The following DERA variants were observed in gnomAD, a reference collection of about 807,000 sequenced individuals.
DERA encodes 2-deoxy-D-ribose 5-phosphate aldolase.
Under a neutral mutation model 41.1 loss-of-function variants are expected in DERA, and 15 were observed. The ratio of observed to expected loss-of-function variants is 0.37; its 90% confidence interval spans 0.24 to 0.56. The LOEUF (loss-of-function observed/expected upper bound fraction) is 0.56, where lower values mean the gene tolerates loss of function less well. Among genes scored for constraint, DERA ranks in the 20% least tolerant of loss-of-function variants. The pLI, the probability that DERA is intolerant of heterozygous loss-of-function variation, is 0.81. For synonymous variants in DERA, 139 were observed against 137.4 expected, an observed-to-expected ratio of 1.01 and a Z score of -0.08; for missense variants, 396 against 403.4, an observed-to-expected ratio of 0.98 and a Z score of 0.16.
In DERA at chr12:16,010,923, A is replaced by T. The variant is rs948981160; in HGVS notation, c.638-21619A>T. Among the ~76,000 whole-genome samples, 3 of 152,244 alleles carry T rather than the reference A, an allele frequency of 2.0e-5. No individual in the cohort carries two copies. The highest frequency in any genetic ancestry group is 2.0e-4 in the Admixed American group (3 of 15,280). On this transcript the variant is annotated intron_variant, in intron 6 of 8. Transcript: ENST00000428559. This position sits in a 1 kb window ranked among gnomAD's most constrained non-coding sequence, Gnocchi z 5.5. Reference sequence around the variant, plus strand: ...TTGTTGAAAAAAAAGATTTATGATGACATTGAGGTATGATAATCTCAAATA... The same window carrying T: ...TTGTTGAAAAAAAAGATTTATGATGTCATTGAGGTATGATAATCTCAAATA...
rs762186739 is a variant in DERA at position 15,957,806 on chromosome 12, C to A, written c.130-382C>A. Among the ~76,000 whole-genome samples the A allele has an allele frequency of 6.6e-6, 1 of 152,132 alleles. No homozygotes were observed. Among genetic ancestry groups the A allele is most frequent in the African/African-American group, 2.4e-5 (1 of 41,422 alleles). Reference sequence around the variant, plus strand: ...GATAATCTCATCCCAGATCCCAGAGCGGGAGGTAAAATGTAAGGTAGAAAC... The same window carrying A: ...GATAATCTCATCCCAGATCCCAGAGAGGGAGGTAAAATGTAAGGTAGAAAC... On this transcript the variant is annotated intron_variant, in intron 2 of 8. Coordinates refer to ENST00000428559, the MANE Select transcript of DERA (RefSeq NM_015954.4). The surrounding 1 kb of genome is among the most constrained non-coding windows in gnomAD (Gnocchi z 4.8).
Position 15,989,061 on chromosome 12 carries a change from A to C in DERA, c.637+6625A>C, listed in dbSNP as rs575844902. Among the ~76,000 whole-genome samples, 16 of 152,292 alleles carry C rather than the reference A, an allele frequency of 1.1e-4. No homozygotes were observed. In the East Asian group the frequency reaches 2.5e-3, roughly 24 times the overall value. ...TGGGACCAGGTACTTCTGAGCCTGC[A>C]GGGGTAGAGGGCTTCCCAGGCTTCT... On this transcript the variant is annotated intron_variant, in intron 6 of 8. Transcript: ENST00000428559. This position sits in a 1 kb window ranked among gnomAD's most constrained non-coding sequence, Gnocchi z 5.2.
At chr12:16,032,735 T>C (rs1269728734) in intron 7 of DERA, 81 bp downstream of exon 7, 1 of 860,200 alleles carries the variant, frequency 1.2e-6, no homozygotes, top group South Asian at 1.5e-5. Flanking sequence ...ATAACTGTCT[T>C]TATATGGAGA....
intron 6 of DERA, among the ~76,000 whole-genome samples, chr12:16,027,179 A>C (rs1949058951): frequency 6.6e-6 from 1 of 152,238 alleles, no homozygotes; most frequent in Non-Finnish European, 1.5e-5. Context: ...ACCTCAGCCA[A>C]CATACTTAAT....
chr12:15,984,947 C>T lies in DERA; in HGVS notation c.637+2511C>T, dbSNP rs1000261428. ...CAAATTTCTGACTAAATTCTGTATT[C>T]TACTTCTGTGGTGGTATAAAAAATT... On this transcript the variant is annotated intron_variant, in intron 6 of 8. Coordinates refer to ENST00000428559, the MANE Select transcript of DERA (RefSeq NM_015954.4). The surrounding 1 kb of genome is among the most constrained non-coding windows in gnomAD (Gnocchi z 4.5). 6.6e-6 allele frequency among the ~76,000 whole-genome samples: 1 copy of T among 152,182 alleles called. No individual in the cohort carries two copies. Among genetic ancestry groups the T allele is most frequent in the African/African-American group, 2.4e-5 (1 of 41,442 alleles).
intron 5 of DERA, among the ~76,000 whole-genome samples, chr12:15,980,932 T>C (rs1187019897): frequency 6.6e-6 from 1 of 152,238 alleles, no homozygotes; most frequent in Non-Finnish European, 1.5e-5. Context: ...TTTTCATTTT[T>C]CTAAATGTAC....
At chr12:16,032,979 C>A in intron 7 of DERA, 1 of 255,208 alleles carries the variant, frequency 3.9e-6, no homozygotes, top group Non-Finnish European at 7.5e-6. Context: ...TGCTGCAACA[C>A]AGAGGCTTTC....
At chr12:15,971,044 A>G (rs1948655877) in intron 5 of DERA, among the ~76,000 whole-genome samples, 3 of 152,204 alleles carry the variant, frequency 2.0e-5, no homozygotes, top group Admixed American at 6.5e-5. Flanking sequence ...ATTGATCACT[A>G]TGACAGCAGC....
intron 1 of DERA, 159 bp from the exon 2 acceptor site, chr12:15,956,777 A>G (rs749630886): frequency 3.0e-5 from 22 of 724,240 alleles, no homozygotes; most frequent in South Asian, 9.9e-5. Flanking sequence ...TCTTCCATCA[A>G]TAAGGTTGTT....
chr12:15,930,170 T>A (rs1156787311), intron 1 of DERA, among the ~76,000 whole-genome samples: 1 of 152,142 alleles, frequency 6.6e-6, no homozygotes, highest in African/African-American at 2.4e-5. Flanking sequence ...TGTTGGAAAA[T>A]TCTGACCTTA....
intron 6 of DERA, among the ~76,000 whole-genome samples, chr12:15,991,911 AT>A (rs1467812955): frequency 6.6e-6 from 1 of 152,092 alleles, no homozygotes. Context: ...CTCCTTGGCC[AT>A]TTTAAAAGAT....
intron 1 of DERA, among the ~76,000 whole-genome samples, chr12:15,926,851 A>G (rs979793460): frequency 1.3e-5 from 2 of 152,180 alleles, no homozygotes; most frequent in Non-Finnish European, 2.9e-5. Flanking sequence ...AACAACTGGA[A>G]TTCAGCCCTC....
intron 6 of DERA, among the ~76,000 whole-genome samples, chr12:16,024,077 A>G (rs890559518): frequency 5.3e-5 from 8 of 152,230 alleles, no homozygotes; most frequent in Non-Finnish European, 1.0e-4. Flanking sequence ...AGATAGGTCA[A>G]TAGAAACTTC....
chr12:16,022,285 C>T (rs1031813126), intron 6 of DERA, among the ~76,000 whole-genome samples: 4 of 152,158 alleles, frequency 2.6e-5, no homozygotes, highest in African/African-American at 9.7e-5. Context: ...GACATGTGTG[C>T]TCCCTCTTTG....
chr12:15,928,763 T>C lies in DERA; in HGVS notation c.31+17349T>C, dbSNP rs1382218492. On this transcript the variant is annotated intron_variant, in intron 1 of 8. Transcript: ENST00000428559. The surrounding 1 kb of genome is among the most constrained non-coding windows in gnomAD (Gnocchi z 4.6). ...GTAAATAGCTTTTTCCTGGGAAAGGTAAGTTTGGTTGGTACCAAGGAATGA... is the reference window on the plus strand; with the variant it reads ...GTAAATAGCTTTTTCCTGGGAAAGGCAAGTTTGGTTGGTACCAAGGAATGA... 6.6e-6 allele frequency among the ~76,000 whole-genome samples: 1 copy of C among 152,164 alleles called. No homozygotes were observed. Among genetic ancestry groups the C allele is most frequent in the Admixed American group, 6.5e-5 (1 of 15,270 alleles).
chr12:15,942,019 C>T (rs916705020), intron 1 of DERA, among the ~76,000 whole-genome samples: 5 of 152,142 alleles, frequency 3.3e-5, no homozygotes, highest in Non-Finnish European at 5.9e-5. Context: ...TTTATATCAA[C>T]GTCTATTATT....
intron 1 of DERA, among the ~76,000 whole-genome samples, chr12:15,939,871 C>T (rs889470513): frequency 3.9e-5 from 6 of 152,126 alleles, no homozygotes; most frequent in East Asian, 3.8e-4. Context: ...AAGATCAGAT[C>T]GTTCTTTTAT....
rs2136184013 is a variant in DERA, at chr12:16,019,808, G to A, written c.638-12734G>A. On this transcript the variant is annotated intron_variant, in intron 6 of 8. Transcript: ENST00000428559. The surrounding 1 kb of genome is among the most constrained non-coding windows in gnomAD (Gnocchi z 4.4). ...TAATACTTACTGGGCATATGATATAGTTTGGATTTTTGTCCCTTCCAACTC... is the reference window on the plus strand; with the variant it reads ...TAATACTTACTGGGCATATGATATAATTTGGATTTTTGTCCCTTCCAACTC... 6.6e-6 allele frequency among the ~76,000 whole-genome samples: 1 copy of A among 152,248 alleles called. No individual in the cohort carries two copies. Among genetic ancestry groups the A allele is most frequent in the South Asian group, 2.1e-4 (1 of 4,824 alleles).
At chr12:15,920,788 T>C (rs984521541) in intron 1 of DERA, among the ~76,000 whole-genome samples, 1 of 152,200 alleles carries the variant, frequency 6.6e-6, no homozygotes, top group African/African-American at 2.4e-5. Context: ...TGAGCCGAGA[T>C]TGCGCCACTA....
Sources: allele counts gnomAD v4.1 joint callset (sites outside exome capture counted in the v4.1 genomes callset), GRCh38; gene constraint gnomAD v4.1.1; non-coding constraint Gnocchi (gnomAD v3.1); transcripts MANE v1.5; gene names NCBI Gene and HGNC (gene_info 2026-07-23, HGNC 2026-07-21).